ZBTB7C: variants seen among roughly 807,000 people sequenced by gnomAD.
The protein encoded by ZBTB7C is zinc finger and BTB domain containing 7C.
In ZBTB7C, 8 loss-of-function variants were observed where a neutral mutation model predicts 25.7. That is an observed-to-expected ratio of 0.31 (90% CI 0.18 to 0.56). ZBTB7C has a LOEUF of 0.56. Ranked by LOEUF, ZBTB7C falls within the 20% of genes least tolerant of loss-of-function variation. ZBTB7C has a pLI of 0.91. For synonymous variants in ZBTB7C, 394 were observed against 369.0 expected, an observed-to-expected ratio of 1.07 and a Z score of -0.78; for missense variants, 824 against 855.2, an observed-to-expected ratio of 0.96 and a Z score of 0.46.
At chr18:48,142,612 G>A (rs2040382872) in intron 3 of ZBTB7C, among the ~76,000 whole-genome samples, 2 of 152,288 alleles carry the variant, frequency 1.3e-5, no homozygotes, top group South Asian at 2.1e-4. Flanking sequence ...TGTGGGAGGA[G>A]GGGAGGGTGC....
At chr18:48,271,729 T>C (rs2144578811) in intron 2 of ZBTB7C, among the ~76,000 whole-genome samples, 1 of 152,066 alleles carries the variant, frequency 6.6e-6, no homozygotes. Context: ...ATAAATATGA[T>C]CATCTTAGTA....
chr18:48,073,390 C>CTT (rs1267033989), intron 3 of ZBTB7C, among the ~76,000 whole-genome samples: 1 of 152,052 alleles, frequency 6.6e-6, no homozygotes, highest in African/African-American at 2.4e-5. Flanking sequence ...TGCCACCAGG[C>CTT]GCCCAGCCTG....
At chr18:48,235,877 G>A (rs2043366131) in intron 2 of ZBTB7C, among the ~76,000 whole-genome samples, 6 of 152,030 alleles carry the variant, frequency 3.9e-5, no homozygotes, top group African/African-American at 1.4e-4. Context: ...AATATCATAC[G>A]ATTTCACTTT....
chr18:48,048,867 T>C (rs2144228137), intron 3 of ZBTB7C, among the ~76,000 whole-genome samples: 1 of 152,298 alleles, frequency 6.6e-6, no homozygotes, highest in South Asian at 2.1e-4. Flanking sequence ...CTCAGGTACT[T>C]CTAACCCAAA....
At chr18:48,307,834 G>A (rs1336772280) in intron 2 of ZBTB7C, among the ~76,000 whole-genome samples, 4 of 152,192 alleles carry the variant, frequency 2.6e-5, no homozygotes, top group South Asian at 2.1e-4. Context: ...GCAACAGAGC[G>A]AAACTCCACC....
intron 3 of ZBTB7C, among the ~76,000 whole-genome samples, chr18:48,154,139 A>T (rs2040763108): frequency 6.6e-6 from 1 of 152,228 alleles, no homozygotes; most frequent in South Asian, 2.1e-4. Flanking sequence ...AGGGCTGGGC[A>T]CAATTCTGGG....
intron 2 of ZBTB7C, among the ~76,000 whole-genome samples, chr18:48,251,266 G>A (rs1011021878): frequency 1.3e-5 from 2 of 151,766 alleles, no homozygotes; most frequent in African/African-American, 4.8e-5. Context: ...GAAAATGTTT[G>A]AACAAAACAA....
intron 1 of ZBTB7C, among the ~76,000 whole-genome samples, chr18:48,349,595 T>C (rs562862250): frequency 6.6e-6 from 1 of 152,364 alleles, no homozygotes; most frequent in East Asian, 1.9e-4. Context: ...AAATGAATGA[T>C]GTCCATGCTA....
At position 48,026,714 on chromosome 18, in the gene ZBTB7C, A is replaced by T. The variant is rs531696026; in HGVS notation, c.*2546T>A. On this transcript the variant is annotated 3_prime_UTR_variant, in exon 5 of 5. Coordinates refer to ENST00000590800, the MANE Select transcript of ZBTB7C (RefSeq NM_001318841.2). ...ACTTTTACTCAAAACACTGTCCTTT[A>T]AAGTATAAAATAAGGGTCAAAGGTT... is the stretch of plus-strand genomic sequence containing the variant. The T allele has an allele frequency of 2.0e-5, 3 of 151,562 alleles. No homozygotes were observed. Among genetic ancestry groups the T allele is most frequent in the African/African-American group, 7.3e-5 (3 of 41,158 alleles). 9.4% of individuals were successfully genotyped at this position (151,562 alleles called of 1,614,324 possible).
rs1371795477 is a variant in ZBTB7C, at chr18:48,207,795, G to C, written c.-78-21800C>G. 3.9e-5 allele frequency among the ~76,000 whole-genome samples: 6 copies of C among 152,118 alleles called. No homozygotes were observed. The East Asian group carries it at 1.2e-3, about 29-fold the overall frequency. Reference sequence around the variant, plus strand: ...GTGAAATATAAAATGAGTGAATATGGCATGATTGCATTTATATAAAGCTCA... The same window carrying C: ...GTGAAATATAAAATGAGTGAATATGCCATGATTGCATTTATATAAAGCTCA... On this transcript the variant is annotated intron_variant, in intron 2 of 4. Coordinates refer to ENST00000590800, the MANE Select transcript of ZBTB7C (RefSeq NM_001318841.2).
At chr18:48,230,221 T>C (rs142917823) in intron 2 of ZBTB7C, among the ~76,000 whole-genome samples, 1 of 152,220 alleles carries the variant, frequency 6.6e-6, no homozygotes, top group Admixed American at 6.5e-5. Flanking sequence ...GAAAGCTTCA[T>C]CCACCAGTCC....
rs570408613 is a variant in ZBTB7C at position 48,406,981 on chromosome 18, C to G, written c.-304+2245G>C. ...AAGTGGCTAAAATCAAAGTGGCCAA[C>G]TCGTAGTTCTTTTTTAATTTAGACA... On this transcript the variant is annotated intron_variant, in intron 1 of 4. Transcript: ENST00000590800. Among the ~76,000 whole-genome samples the G allele has an allele frequency of 1.1e-4, 16 of 152,322 alleles. No homozygotes were observed. In the South Asian group the frequency reaches 3.1e-3, roughly 30 times the overall value.
rs1568399377 is a variant in ZBTB7C, at chr18:48,360,201, T to G, written c.-303-21803A>C. Among the ~76,000 whole-genome samples the G allele has an allele frequency of 2.0e-5, 3 of 152,316 alleles. No homozygotes were observed. The East Asian group carries it at 5.8e-4, about 29-fold the overall frequency. On this transcript the variant is annotated intron_variant, in intron 1 of 4. Transcript: ENST00000590800. ...ACAATATGACACTAAATGGACCAAT[T>G]CAATTCAATTCTATAAACATTTGCA...
intron 3 of ZBTB7C, among the ~76,000 whole-genome samples, chr18:48,047,431 A>G (rs1257347739): frequency 1.4e-5 from 2 of 147,940 alleles, no homozygotes; most frequent in East Asian, 2.0e-4. Flanking sequence ...TTTGGTAGGA[A>G]GGAGCTAGAA....
At chr18:48,388,312 T>C (rs2047797559) in intron 1 of ZBTB7C, among the ~76,000 whole-genome samples, 1 of 150,968 alleles carries the variant, frequency 6.6e-6, no homozygotes, top group South Asian at 2.1e-4. Context: ...GAATCTATCT[T>C]GCATTTTTTT....
chr18:48,408,536 C>G (rs1445335835), intron 1 of ZBTB7C: 1 of 152,224 alleles, frequency 6.6e-6, no homozygotes, highest in Non-Finnish European at 1.5e-5. Context: ...ATCTTTGAGT[C>G]CTGCATGAGC....
chr18:48,331,226 T>G (rs1469434743), intron 2 of ZBTB7C, among the ~76,000 whole-genome samples: 2 of 152,128 alleles, frequency 1.3e-5, no homozygotes, highest in Non-Finnish European at 1.5e-5. Context: ...CCATGCTGCA[T>G]GAGCCACCAA....
chr18:48,329,448 G>A (rs2144900644), intron 2 of ZBTB7C, among the ~76,000 whole-genome samples: 1 of 152,322 alleles, frequency 6.6e-6, no homozygotes, highest in South Asian at 2.1e-4. Context: ...ACTCTGCTGA[G>A]GGGCTGCAGA....
chr18:48,384,458 T>C lies in ZBTB7C; in HGVS notation c.-304+24768A>G, dbSNP rs566217806. Among the ~76,000 whole-genome samples, 13 of 152,282 alleles carry C rather than the reference T, an allele frequency of 8.5e-5. No homozygotes were observed. In the South Asian group the frequency reaches 2.5e-3, roughly 29 times the overall value. ...GCAGTCTGCCCCTTCTCCCTCTCAA[T>C]ACATTCCTAGAATAGAGGCTATTGG... On this transcript the variant is annotated intron_variant, in intron 1 of 4. Transcript: ENST00000590800.
Sources: gnomAD v4.1 joint callset for allele counts (sites outside exome capture counted in the v4.1 genomes callset) on GRCh38, gnomAD v4.1.1 for gene constraint, MANE v1.5 for transcripts, NCBI Gene and HGNC (gene_info 2026-07-23, HGNC 2026-07-21) for gene names.